The following PADI6 variants were observed in gnomAD, a reference collection of about 807,000 sequenced individuals.
The protein encoded by PADI6 is inactive protein-arginine deiminase type-6.
Under a neutral mutation model 78.2 loss-of-function variants are expected in PADI6, and 66 were observed. The observed-to-expected ratio is 0.84, with a 90% CI of 0.69 to 1.04. The LOEUF is 1.04. Among genes scored for constraint, PADI6 ranks in the 50% least tolerant of loss-of-function variants. The probability of loss-of-function intolerance (pLI) is 0.00; values close to 1 mark genes in which losing one functional copy is unlikely to be tolerated. For missense variants in PADI6, 854 were observed against 866.1 expected, an observed-to-expected ratio of 0.99 and a Z score of 0.18; for synonymous variants, 397 against 346.9, an observed-to-expected ratio of 1.14 and a Z score of -1.60.
At chr1:17,374,497 G>T (rs1049059473) in intron 2 of PADI6, among the ~76,000 whole-genome samples, 1 of 152,154 alleles carries the variant, frequency 6.6e-6, no homozygotes, top group African/African-American at 2.4e-5. Context: ...GTGGTGGCAG[G>T]TGCCTGTAAT....
Position 17,382,007 on chromosome 1 carries a change from C to A in PADI6, c.594C>A (p.Gly198=). ...NLSQMTLNVQ[G]PSCILKKYRL... ...CCCAGATGACTCTGAATGTCCAAGG[C>A]CCCAGCTGTATCTTAAAGAAATATC... The change falls in exon 6 of 16, where the codon GGC becomes GGA. Residue 198 remains glycine, a synonymous_variant. Coordinates refer to ENST00000619609, the MANE Select transcript of PADI6 (RefSeq NM_207421.4). The A allele has an allele frequency of 1.9e-6, 3 of 1,613,914 alleles. No homozygotes were observed. The highest frequency in any genetic ancestry group is 2.5e-6 in the Non-Finnish European group (3 of 1,179,798).
intron 6 of PADI6, among the ~76,000 whole-genome samples, chr1:17,387,119 G>A (rs1188305511): frequency 2.6e-5 from 4 of 152,204 alleles, no homozygotes; most frequent in African/African-American, 9.7e-5. Context: ...ACCCAGGTGG[G>A]AGAAGTCAGG....
chr1:17,388,628 T>C, intron 7 of PADI6, 69 bp downstream of exon 7: 1 of 1,491,276 alleles, frequency 6.7e-7, no homozygotes, highest in South Asian at 1.3e-5. Flanking sequence ...TCTCCCACAG[T>C]TGGGCAGAGC....
intron 14 of PADI6, 24 bp from the exon 15 acceptor site, chr1:17,398,662 C>CGCA (rs1553154478): frequency 9.4e-4 from 113 of 119,966 alleles, no homozygotes; most frequent in African/African-American, 5.1e-3. Context: ...CCGCCCCCCC[C>CGCA]CCCACCCACC....
intron 14 of PADI6, among the ~76,000 whole-genome samples, chr1:17,397,414 G>C (rs1040103049): frequency 6.6e-6 from 1 of 152,182 alleles, no homozygotes; most frequent in Non-Finnish European, 1.5e-5. Context: ...CTGGAAGTGG[G>C]TAACACAGCT....
At chr1:17,395,348 A>C (rs2800692) in intron 12 of PADI6, among the ~76,000 whole-genome samples, 192 bp from the exon 13 acceptor site, 98,561 of 151,848 alleles carry the variant, frequency 0.65, 32,085 homozygotes, top group African/African-American at 0.68. Context: ...GAATTACAGA[A>C]ACATGCCACC....
intron 13 of PADI6, 56 bp downstream of exon 13, chr1:17,395,719 C>A: frequency 5.8e-6 from 9 of 1,559,930 alleles, no homozygotes; most frequent in Non-Finnish European, 6.1e-6. Flanking sequence ...TTCCAGGGGT[C>A]CTTTCTACAT....
At chr1:17,393,065 G>T (rs1374991863) in intron 9 of PADI6, among the ~76,000 whole-genome samples, 17 of 152,112 alleles carry the variant, frequency 1.1e-4, no homozygotes. Flanking sequence ...AGAATCGCTT[G>T]AACCCAGGAG....
intron 2 of PADI6, 103 bp from the exon 3 acceptor site, chr1:17,375,324 C>T: frequency 9.2e-7 from 1 of 1,089,256 alleles, no homozygotes; most frequent in Non-Finnish European, 1.3e-6. Context: ...AGCCATAACA[C>T]AAGACCAAGA....
intron 3 of PADI6, among the ~76,000 whole-genome samples, chr1:17,379,054 C>T (rs2075046672): frequency 6.6e-6 from 1 of 151,804 alleles, no homozygotes; most frequent in Non-Finnish European, 1.5e-5. Context: ...AAGTGACACT[C>T]CTGCCTTGGC....
chr1:17,394,532 G>A, intron 11 of PADI6, 78 bp downstream of exon 11: 1 of 1,473,662 alleles, frequency 6.8e-7, no homozygotes, highest in Non-Finnish European at 9.2e-7. Context: ...GCTTCCCATA[G>A]CACCTCAGCA....
intron 2 of PADI6, among the ~76,000 whole-genome samples, chr1:17,374,956 T>C (rs972474777): frequency 6.6e-6 from 1 of 152,096 alleles, no homozygotes; most frequent in African/African-American, 2.4e-5. Flanking sequence ...CGCTGCTTCT[T>C]CACCTGGGTG....
Position 17,394,059 on chromosome 1 carries a change from G to GAGT in PADI6, c.1160_1162dup (p.Glu387_Phe388insTer). On this transcript the variant is annotated stop_gained and inframe_insertion, in exon 10 of 16. Coordinates refer to ENST00000619609, the MANE Select transcript of PADI6 (RefSeq NM_207421.4). LOFTEE classifies it high-confidence loss of function. ...CACACCTCAGGCCGCCGATCTCGATGAGTTCCCCATGAAGTACTCACTGGT... is the reference window on the plus strand; with the variant it reads ...CACACCTCAGGCCGCCGATCTCGATGAGTAGTTCCCCATGAAGTACTCACTGGT... 1 of 1,613,902 alleles carries GAGT rather than the reference G, an allele frequency of 6.2e-7. No individual in the cohort carries two copies. The highest frequency in any genetic ancestry group is 8.5e-7 in the Non-Finnish European group (1 of 1,179,822).
rs61766772 is a variant in PADI6 at position 17,382,033 on chromosome 1, G to A, written c.620G>A (p.Arg207Gln). The change falls in exon 6 of 16, where the codon CGG becomes CAG. Residue 207 changes from arginine to glutamine, a missense_variant. Physicochemically the swap from Arg to Gln is conservative, Grantham distance 43 (BLOSUM62 1). Coordinates refer to ENST00000619609, the MANE Select transcript of PADI6 (RefSeq NM_207421.4). ...QGPSCILKKYRLVLHTSKEES... is the reference protein window; with the variant it reads ...QGPSCILKKYQLVLHTSKEES... ...CCCAGCTGTATCTTAAAGAAATATC[G>A]GCTAGTCCTCCATACCTCCAAGGAA... is the stretch of plus-strand genomic sequence containing the variant. 89,915 of 1,613,784 alleles carry A rather than the reference G, an allele frequency of 0.056. 2,892 individuals carry two copies. The highest frequency in any genetic ancestry group is 0.072 in the Middle Eastern group (434 of 6,062).
intron 3 of PADI6, among the ~76,000 whole-genome samples, chr1:17,377,852 G>C (rs1268313968): frequency 2.0e-5 from 3 of 152,218 alleles, no homozygotes; most frequent in Admixed American, 6.5e-5. Context: ...CCAGCAGCCA[G>C]AGTGGTACAT....
intron 14 of PADI6, 44 bp downstream of exon 14, chr1:17,397,185 G>A (rs2075255482): frequency 1.9e-6 from 3 of 1,606,182 alleles, no homozygotes; most frequent in Non-Finnish European, 2.6e-6. Flanking sequence ...AAGAGCTGGT[G>A]CCGCAGGTCT....
In PADI6 at chr1:17,388,832, G is replaced by A. The variant is rs1274769510; in HGVS notation, c.914G>A (p.Cys305Tyr). The A allele has an allele frequency of 1.9e-6, 3 of 1,613,826 alleles. No individual in the cohort carries two copies. Among genetic ancestry groups the A allele is most frequent in the Non-Finnish European group, 1.7e-6 (2 of 1,179,858 alleles). Residue 305 changes from cysteine to tyrosine, a missense_variant, in exon 8 of 16, where the codon TGT (cysteine) becomes TAT (tyrosine). Physicochemically the swap from Cys to Tyr is radical, Grantham distance 194. Transcript: ENST00000619609. ...KDTVVFRVAP[C>Y]VFIPCTQVPL... The stretch of plus-strand genomic sequence containing the variant: ...ACGGTGGTGTTCCGGGTGGCTCCCT[G>A]TGTCTTCATTCCCTGTACCCAGGTG...
At chr1:17,384,150 A>C (rs2075098951) in intron 6 of PADI6, among the ~76,000 whole-genome samples, 2 of 152,080 alleles carry the variant, frequency 1.3e-5, no homozygotes, top group African/African-American at 4.8e-5. Context: ...CTCAAAAAAA[A>C]AAACTTAAAA....
chr1:17,380,629 C>A (rs974736135), intron 4 of PADI6, among the ~76,000 whole-genome samples: 4 of 152,116 alleles, frequency 2.6e-5, no homozygotes, highest in African/African-American at 4.8e-5. Context: ...CCTCGGCCTC[C>A]CGAAGTACTG....
Sources: allele counts gnomAD v4.1 joint callset (sites outside exome capture counted in the v4.1 genomes callset), GRCh38; gene constraint gnomAD v4.1.1; transcripts MANE v1.5; gene names NCBI Gene and HGNC (gene_info 2026-07-23, HGNC 2026-07-21).